The following TENM3 variants were observed in gnomAD, a reference collection of about 807,000 sequenced individuals.
The protein encoded by TENM3 is teneurin transmembrane protein 3.
Under a neutral mutation model 255.1 loss-of-function variants are expected in TENM3, and 63 were observed. The observed-to-expected ratio is 0.25, with a 90% confidence interval of 0.20 to 0.30. The LOEUF is 0.30. Among genes scored for constraint, TENM3 ranks in the 10% least tolerant of loss-of-function variants. TENM3 has a pLI of 1.00. For missense variants in TENM3, 2,929 were observed against 3,461.1 expected (o/e 0.85, Z 3.86); for synonymous variants, 1,306 against 1,322.3 (o/e 0.99, Z 0.27).
the TENM3 span, among the ~76,000 whole-genome samples, chr4:181,711,499 A>G: frequency 2.9e-4 from 44 of 152,342 alleles, no homozygotes; most frequent in Middle Eastern, 6.8e-3. Flanking sequence ...TGTCAAATAG[A>G]AACAAAACAA....
chr4:181,854,360 C>A, the TENM3 span, among the ~76,000 whole-genome samples: 4 of 152,242 alleles, frequency 2.6e-5, no homozygotes, highest in South Asian at 8.3e-4. Flanking sequence ...TCAAGCAATC[C>A]GAATTAGTCA....
At chr4:182,124,863 G>C in the TENM3 span, among the ~76,000 whole-genome samples, 8 of 152,262 alleles carry the variant, frequency 5.3e-5, no homozygotes. Flanking sequence ...CTGGTCTGAG[G>C]GGAGGGATGA....
intron 1 of TENM3, among the ~76,000 whole-genome samples, chr4:182,230,880 C>T (rs1438373004): frequency 8.5e-5 from 10 of 117,194 alleles, no homozygotes; most frequent in African/African-American, 1.3e-4. Context: ...TCCTGTTCTC[C>T]GATAATTACA....
the TENM3 span, among the ~76,000 whole-genome samples, chr4:181,647,030 T>C: frequency 6.6e-6 from 1 of 152,134 alleles, no homozygotes; most frequent in African/African-American, 2.4e-5. Flanking sequence ...GCCCCAAGAA[T>C]GTCTAAGCAG....
intron 1 of TENM3, among the ~76,000 whole-genome samples, chr4:182,196,508 A>G (rs894134778): frequency 6.6e-6 from 1 of 152,140 alleles, no homozygotes; most frequent in Non-Finnish European, 1.5e-5. Context: ...TCTGGGTGGC[A>G]GGAGGTAAGC....
At chr4:182,574,803 A>G (rs541932079) in intron 3 of TENM3, among the ~76,000 whole-genome samples, 5 of 152,188 alleles carry the variant, frequency 3.3e-5, no homozygotes, top group South Asian at 4.2e-4. Context: ...TTTTTTTACA[A>G]TGCAATTGCG....
At chr4:182,429,254 C>T (rs1342579959) in intron 3 of TENM3, among the ~76,000 whole-genome samples, 1 of 152,150 alleles carries the variant, frequency 6.6e-6, no homozygotes, top group Non-Finnish European at 1.5e-5. Context: ...GAGGTAATAT[C>T]ATAGGACTGT....
At chr4:182,257,844 G>T (rs958714471) in intron 1 of TENM3, among the ~76,000 whole-genome samples, 2 of 152,026 alleles carry the variant, frequency 1.3e-5, no homozygotes, top group African/African-American at 4.8e-5. Context: ...TCTTCATCTG[G>T]TCCCCATACA....
chr4:181,638,514 C>G, the TENM3 span, among the ~76,000 whole-genome samples: 6 of 152,184 alleles, frequency 3.9e-5, no homozygotes, highest in Non-Finnish European at 8.8e-5. Flanking sequence ...ATCTGCAGAA[C>G]AAATCCAAGT....
At chr4:181,959,601 C>A in the TENM3 span, among the ~76,000 whole-genome samples, 1 of 152,168 alleles carries the variant, frequency 6.6e-6, no homozygotes, top group Admixed American at 6.5e-5. Context: ...ACCGGCATGC[C>A]GGCACCCCAC....
chr4:182,355,948 T>TA (rs1314502946), intron 3 of TENM3, among the ~76,000 whole-genome samples: 2 of 150,614 alleles, frequency 1.3e-5, no homozygotes, highest in Admixed American at 6.6e-5. Flanking sequence ...AGATTTTGTG[T>TA]AAAAATATTT....
chr4:181,537,118 C>G, the TENM3 span, among the ~76,000 whole-genome samples: 835 of 152,062 alleles, frequency 5.5e-3, 7 homozygotes, highest in African/African-American at 0.019. Flanking sequence ...ACCTCACCCT[C>G]CTTTAAAAAA....
At chr4:182,347,343 T>A (rs1764894928) in intron 3 of TENM3, among the ~76,000 whole-genome samples, 2 of 152,214 alleles carry the variant, frequency 1.3e-5, no homozygotes, top group African/African-American at 4.8e-5. Context: ...TGTAGATTCC[T>A]CTTGAAGATA....
the TENM3 span, among the ~76,000 whole-genome samples, chr4:181,856,466 C>T: frequency 2.0e-5 from 3 of 152,232 alleles, no homozygotes; most frequent in Admixed American, 2.0e-4. Flanking sequence ...TGCACCTACT[C>T]TCTCCAATAT....
the TENM3 span, among the ~76,000 whole-genome samples, chr4:181,600,368 T>C: frequency 1.5e-4 from 23 of 152,194 alleles, no homozygotes; most frequent in African/African-American, 5.1e-4. Context: ...ATACTAAGTG[T>C]TGTAAATCCT....
chr4:182,757,972 T>C (rs1233883408), intron 22 of TENM3, among the ~76,000 whole-genome samples: 1 of 152,174 alleles, frequency 6.6e-6, no homozygotes, highest in Non-Finnish European at 1.5e-5. Context: ...ACCCTCACAA[T>C]TTTATATATA....
the TENM3 span, among the ~76,000 whole-genome samples, chr4:181,913,965 G>A: frequency 6.6e-6 from 1 of 152,182 alleles, no homozygotes; most frequent in Non-Finnish European, 1.5e-5. Flanking sequence ...GATGTTCAAT[G>A]GAGAAGATGG....
At chr4:182,726,998 A>G (rs958082648) in intron 13 of TENM3, among the ~76,000 whole-genome samples, 3 of 152,164 alleles carry the variant, frequency 2.0e-5, no homozygotes, top group Non-Finnish European at 1.5e-5. Flanking sequence ...TCATCTAGAT[A>G]TTTTCAGCTG....
intron 3 of TENM3, among the ~76,000 whole-genome samples, chr4:182,457,558 C>CTTTTTTTTTTTTTTT (rs768197836): frequency 1.7e-5 from 2 of 115,244 alleles, no homozygotes; most frequent in Non-Finnish European, 3.4e-5. Flanking sequence ...TCATGTATAT[C>CTTTTTTTTTTTTTTT]TTTTTTTTTT....
Sources: allele counts gnomAD v4.1 joint callset (sites outside exome capture counted in the v4.1 genomes callset), GRCh38; gene constraint gnomAD v4.1.1; transcripts MANE v1.5; gene names NCBI Gene and HGNC (gene_info 2026-07-23, HGNC 2026-07-21).